The following KCNIP3 variants were observed in gnomAD, a reference collection of about 807,000 sequenced individuals.
The protein encoded by KCNIP3 is potassium voltage-gated channel interacting protein 3.
A neutral mutation model predicts 35.0 loss-of-function variants in KCNIP3; 28 were observed. The ratio of observed to expected loss-of-function variants is 0.80; its 90% confidence interval spans 0.59 to 1.10. The LOEUF (loss-of-function observed/expected upper bound fraction) is 1.10. Among genes scored for constraint, KCNIP3 ranks in the 50% least tolerant of loss-of-function variants. The probability of loss-of-function intolerance (pLI) is 0.00; values close to 1 mark genes in which losing one functional copy is unlikely to be tolerated. For synonymous variants in KCNIP3, 134 were observed against 133.8 expected (o/e 1.00, Z -0.01); for missense variants, 295 against 338.4 (o/e 0.87, Z 1.01).
At chr2:95,318,243 A>G (rs1678506315) in intron 2 of KCNIP3, among the ~76,000 whole-genome samples, 1 of 152,116 alleles carries the variant, frequency 6.6e-6, no homozygotes, top group Non-Finnish European at 1.5e-5. Context: ...CAGACTCAGG[A>G]CAAGCCTGGG....
chr2:95,308,836 C>G (rs151012722), intron 1 of KCNIP3, among the ~76,000 whole-genome samples: 24 of 152,362 alleles, frequency 1.6e-4, no homozygotes, highest in East Asian at 1.4e-3. Context: ...CCAACTAGCA[C>G]AGGGGCTGTC....
intron 1 of KCNIP3, chr2:95,298,916 A>G (rs1427573053): frequency 6.6e-6 from 1 of 152,226 alleles, no homozygotes; most frequent in Non-Finnish European, 1.5e-5. Flanking sequence ...CTGCATGACT[A>G]CAGAGATGGG....
chr2:95,328,544 G>A (rs930568888), intron 2 of KCNIP3, among the ~76,000 whole-genome samples: 8 of 152,358 alleles, frequency 5.3e-5, no homozygotes, highest in African/African-American at 1.9e-4. Context: ...ACGCCGCTGC[G>A]TGCCTGCTTA....
At chr2:95,343,121 C>T (rs1315454779) in intron 2 of KCNIP3, among the ~76,000 whole-genome samples, 1 of 151,836 alleles carries the variant, frequency 6.6e-6, no homozygotes, top group Non-Finnish European at 1.5e-5. Flanking sequence ...GGGCTGGTGG[C>T]AGTGGGGCAG....
intron 1 of KCNIP3, among the ~76,000 whole-genome samples, chr2:95,301,762 G>A (rs560574313): frequency 4.4e-4 from 67 of 152,288 alleles, no homozygotes; most frequent in Admixed American, 3.1e-3. Context: ...AGCATGGGGA[G>A]CTTGTCCTTG....
rs1680346012 is a variant in KCNIP3, at chr2:95,381,589, C to A, written c.448-7C>A. On this transcript the variant is annotated splice_polypyrimidine_tract_variant and splice_region_variant and intron_variant, in intron 5 of 8. Transcript: ENST00000295225. ...ATGTCACGCCCCACACTCTCCTTTC[C>A]CCATAGGACTTTGTGGTTGGCCTCT... 1 of 1,605,972 alleles carries A rather than the reference C, an allele frequency of 6.2e-7. No individual in the cohort carries two copies. The highest frequency in any genetic ancestry group is 8.5e-7 in the Non-Finnish European group (1 of 1,172,670).
rs1679202664 is a variant in KCNIP3 at position 95,341,895 on chromosome 2, C to T, written c.181+31375C>T. 1.3e-5 allele frequency among the ~76,000 whole-genome samples: 2 copies of T among 152,248 alleles called. 1 individual carries two copies. On this transcript the variant is annotated intron_variant, in intron 2 of 8. Coordinates refer to ENST00000295225, the MANE Select transcript of KCNIP3 (RefSeq NM_013434.5). ...GTGGGAGAGCAGAAACAAGTAAACA[C>T]GTAAGCAAATATCTATGTTCCCATT...
At chr2:95,362,537 A>G (rs926157375) in intron 2 of KCNIP3, among the ~76,000 whole-genome samples, 1 of 152,196 alleles carries the variant, frequency 6.6e-6, no homozygotes, top group African/African-American at 2.4e-5. Flanking sequence ...GACTTCAACG[A>G]TGAAGTTGAG....
intron 5 of KCNIP3, among the ~76,000 whole-genome samples, chr2:95,379,361 A>G (rs1680281198): frequency 6.6e-6 from 1 of 152,208 alleles, no homozygotes; most frequent in East Asian, 1.9e-4. Flanking sequence ...CTCATTATTC[A>G]TTCAAGCCCA....
chr2:95,322,952 G>A (rs1018442566), intron 2 of KCNIP3, among the ~76,000 whole-genome samples: 1 of 152,206 alleles, frequency 6.6e-6, no homozygotes, highest in African/African-American at 2.4e-5. Flanking sequence ...GAGCCACCGC[G>A]AGCAGGTCCA....
chr2:95,357,070 C>T (rs1558773017), intron 2 of KCNIP3, among the ~76,000 whole-genome samples: 1 of 152,198 alleles, frequency 6.6e-6, no homozygotes, highest in Admixed American at 6.5e-5. Context: ...CTTGATGTTG[C>T]TCTAGGCTGG....
At chr2:95,383,130 C>CCCCCCCCCCA in intron 7 of KCNIP3, 102 bp from the exon 8 acceptor site, 3 of 641,728 alleles carry the variant, frequency 4.7e-6, no homozygotes, top group East Asian at 3.3e-5. Context: ...CCCATCCACC[C>CCCCCCCCCCA]ACCCGCCCAT....
At chr2:95,342,126 G>T (rs941877066) in intron 2 of KCNIP3, among the ~76,000 whole-genome samples, 32 of 152,170 alleles carry the variant, frequency 2.1e-4, no homozygotes, top group African/African-American at 6.8e-4. Flanking sequence ...AGAGTGCTGG[G>T]CTCATTCTGG....
chr2:95,323,590 C>T (rs977355475), intron 2 of KCNIP3, among the ~76,000 whole-genome samples: 3 of 152,158 alleles, frequency 2.0e-5, no homozygotes, highest in Non-Finnish European at 4.4e-5. Flanking sequence ...GTCCGCCTCC[C>T]TGGACCATTT....
chr2:95,346,955 C>T lies in KCNIP3; in HGVS notation c.182-27341C>T, dbSNP rs559005826. On this transcript the variant is annotated intron_variant, in intron 2 of 8. Transcript: ENST00000295225. ...GTGCGGGCTGCAGGGGCCCCGGTGC[C>T]TCCGAGGCAGCGCGTGGGCGAGGGG... 8.9e-5 allele frequency: 114 copies of T among 1,279,826 alleles called. No homozygotes were observed. In the African/African-American group the frequency reaches 1.5e-3, roughly 16 times the overall value. 79.3% of individuals were successfully genotyped at this position (1,279,826 alleles called of 1,614,324 possible). A position where few individuals can be genotyped will look rare whatever the true frequency, so the allele number is the denominator to read the frequency against.
intron 2 of KCNIP3, among the ~76,000 whole-genome samples, chr2:95,326,963 G>A (rs968553971): frequency 1.3e-5 from 2 of 152,308 alleles, no homozygotes; most frequent in East Asian, 1.9e-4. Flanking sequence ...CTCGGTTTAC[G>A]GGTCGCCTCC....
chr2:95,308,335 G>A (rs779763578), intron 1 of KCNIP3, among the ~76,000 whole-genome samples: 9 of 152,230 alleles, frequency 5.9e-5, no homozygotes, highest in Non-Finnish European at 1.2e-4. Flanking sequence ...TGCCAAGGGT[G>A]TGTCGGAGGA....
intron 2 of KCNIP3, among the ~76,000 whole-genome samples, chr2:95,371,049 G>A (rs1006224647): frequency 3.3e-5 from 5 of 152,136 alleles, no homozygotes; most frequent in East Asian, 1.9e-4. Context: ...GATTATAGGC[G>A]TGAGCCACTG....
At chr2:95,354,642 C>T (rs1679609728) in intron 2 of KCNIP3, among the ~76,000 whole-genome samples, 1 of 152,200 alleles carries the variant, frequency 6.6e-6, no homozygotes, top group Admixed American at 6.5e-5. Context: ...CGCACTTGCC[C>T]TGAAAGCGTC....
Sources: allele counts gnomAD v4.1 joint callset (sites outside exome capture counted in the v4.1 genomes callset), GRCh38; gene constraint gnomAD v4.1.1; transcripts MANE v1.5; gene names NCBI Gene and HGNC (gene_info 2026-07-23, HGNC 2026-07-21).